Variants in MAP4 observed in about 807,000 individuals in gnomAD.
MAP4 encodes the protein microtubule-associated protein 4.
A neutral mutation model predicts 170.2 loss-of-function variants in MAP4; 76 were observed. The ratio of observed to expected loss-of-function variants is 0.45; its 90% CI spans 0.37 to 0.54. MAP4 has a LOEUF of 0.54. Among genes scored for constraint, MAP4 ranks in the 20% least tolerant of loss-of-function variants. The probability of loss-of-function intolerance (pLI) is 0.00; values close to 1 mark genes in which losing one functional copy is unlikely to be tolerated. For synonymous variants in MAP4, 909 were observed against 994.5 expected (o/e 0.91, Z 1.62); for missense variants, 2,506 against 2,748.0 (o/e 0.91, Z 1.97).
chr3:47,968,779 G>A (rs2100076646), intron 3 of MAP4, among the ~76,000 whole-genome samples: 2 of 151,904 alleles, frequency 1.3e-5, no homozygotes, highest in Non-Finnish European at 1.5e-5. Flanking sequence ...AGAGAAAATA[G>A]AGAAAACTCA....
chr3:48,034,200 C>G (rs889587305), intron 1 of MAP4, among the ~76,000 whole-genome samples: 2 of 152,158 alleles, frequency 1.3e-5, no homozygotes, highest in African/African-American at 4.8e-5. Context: ...ATCTGGCATG[C>G]CTTTGTCTCA....
chr3:47,974,930 T>G lies in MAP4; in HGVS notation c.292+2935A>C, dbSNP rs2100081102. Reference sequence around the variant, plus strand: ...ACATAGGTAGCCTGTAAGATTAACCTTCCCTAAAAGCAAGCTCAGAGAAGG... The same window carrying G: ...ACATAGGTAGCCTGTAAGATTAACCGTCCCTAAAAGCAAGCTCAGAGAAGG... On this transcript the variant is annotated intron_variant, in intron 3 of 20. Transcript: ENST00000683076. 4 of 985,948 alleles carry G rather than the reference T, an allele frequency of 4.1e-6. No homozygotes were observed. In the South Asian group the frequency reaches 1.9e-4, roughly 46 times the overall value. The allele number at this position is 985,948 out of a possible 1,614,324, so 61.1% of individuals were successfully genotyped here. A position where few individuals can be genotyped will look rare whatever the true frequency, so the allele number is the denominator to read the frequency against.
chr3:48,038,099 T>C (rs1423708889), intron 1 of MAP4, among the ~76,000 whole-genome samples: 3 of 146,486 alleles, frequency 2.0e-5, no homozygotes, highest in Admixed American at 7.1e-5. Flanking sequence ...ACCCAGCAGG[T>C]GGAGTTTGCA....
intron 2 of MAP4, chr3:47,987,525 A>C (rs1333949920): frequency 1.1e-5 from 9 of 805,888 alleles, no homozygotes; most frequent in Admixed American, 5.8e-5. Flanking sequence ...AACTCTAGCA[A>C]AAGCTTTATA....
intron 3 of MAP4, among the ~76,000 whole-genome samples, chr3:47,939,454 T>C (rs1171509936): frequency 6.6e-6 from 1 of 152,202 alleles, no homozygotes; most frequent in African/African-American, 2.4e-5. Flanking sequence ...AATAAATAAG[T>C]TGCTATCAAA....
At chr3:48,056,987 G>T (rs2100132370) in intron 1 of MAP4, among the ~76,000 whole-genome samples, 1 of 129,474 alleles carries the variant, frequency 7.7e-6, no homozygotes, top group African/African-American at 2.9e-5. Flanking sequence ...GGGAGGTGGG[G>T]GGGGTCAGCC....
intron 1 of MAP4, among the ~76,000 whole-genome samples, chr3:48,055,213 TCTCCGTCTCC>T (rs1416264863): frequency 1.2e-4 from 17 of 141,420 alleles, no homozygotes; most frequent in African/African-American, 4.7e-4. Flanking sequence ...TCCGTCTCCG[TCTCCGTCTCC>T]GTCTCCGTCT....
chr3:47,989,306 T>A (rs540407334), intron 2 of MAP4, among the ~76,000 whole-genome samples: 1 of 152,346 alleles, frequency 6.6e-6, no homozygotes, highest in Non-Finnish European at 1.5e-5. Context: ...AAGATCTGGG[T>A]TCAGGTTGTG....
intron 2 of MAP4, chr3:47,987,365 G>A: frequency 6.6e-7 from 1 of 1,524,726 alleles, no homozygotes; most frequent in Non-Finnish European, 8.8e-7. Context: ...GGAAAGTTCA[G>A]GGAAGAAAAG....
intron 3 of MAP4, among the ~76,000 whole-genome samples, chr3:47,949,777 G>A (rs1309160130): frequency 6.6e-6 from 1 of 152,160 alleles, no homozygotes; most frequent in East Asian, 1.9e-4. Context: ...AATACTACAG[G>A]AGGAAGAGGA....
intron 3 of MAP4, among the ~76,000 whole-genome samples, chr3:47,931,370 T>G (rs377688706): frequency 6.6e-6 from 1 of 152,176 alleles, no homozygotes; most frequent in Non-Finnish European, 1.5e-5. Flanking sequence ...AAGGCCCTAT[T>G]TTTTAAAAAA....
rs374208589 is a variant in MAP4 at position 47,863,937 on chromosome 3, T to TGTGGGGGGGGGG, written c.6501+3308_6501+3309insCCCCCCCCCCAC. On this transcript the variant is annotated intron_variant, in intron 17 of 20. Coordinates refer to ENST00000683076, the MANE Select transcript of MAP4 (RefSeq NM_001385682.1). ...GTGGGTGTGGGTGTGTGTGTGTGTG[T>TGTGGGGGGGGGG]GGGGAGTGGTGGGGGGTGTAATGCT... 1.3e-4 allele frequency among the ~76,000 whole-genome samples: 18 copies of TGTGGGGGGGGGG among 138,438 alleles called. No individual in the cohort carries two copies. The East Asian group carries it at 2.3e-3, about 18-fold the overall frequency. 90.8% of individuals were successfully genotyped at this position (138,438 alleles called of 152,430 possible).
intron 1 of MAP4, among the ~76,000 whole-genome samples, chr3:48,084,792 G>A (rs2100148269): frequency 7.8e-6 from 1 of 127,948 alleles, no homozygotes; most frequent in Non-Finnish European, 1.6e-5. Flanking sequence ...AATTATCTGG[G>A]GACCGACTAA....
chr3:48,019,190 T>A (rs1207035913), upstream of MAP4, among the ~76,000 whole-genome samples: 1 of 151,852 alleles, frequency 6.6e-6, no homozygotes, highest in African/African-American at 2.4e-5. Context: ...AAAATGTTTT[T>A]AATTAGCTGG....
intron 11 of MAP4, 48 bp downstream of exon 11, chr3:47,877,369 C>T (rs762894129): frequency 1.6e-5 from 22 of 1,385,558 alleles, no homozygotes; most frequent in African/African-American, 5.7e-5. Context: ...GAAGATACTC[C>T]GTTTAAAAAT....
intron 2 of MAP4, among the ~76,000 whole-genome samples, chr3:47,996,880 G>C (rs1279777359): frequency 6.6e-6 from 1 of 151,966 alleles, no homozygotes; most frequent in Non-Finnish European, 1.5e-5. Flanking sequence ...GGAAAACATA[G>C]GTGAACAGAT....
At chr3:47,869,821 TA>T (rs1200336257) in intron 15 of MAP4, among the ~76,000 whole-genome samples, 8 of 152,100 alleles carry the variant, frequency 5.3e-5, no homozygotes, top group African/African-American at 1.9e-4. Flanking sequence ...AGAACTCCTG[TA>T]ACTTTTGCAC....
chr3:48,058,822 C>A (rs1370242812), intron 1 of MAP4, among the ~76,000 whole-genome samples: 2 of 152,122 alleles, frequency 1.3e-5, no homozygotes, highest in African/African-American at 4.8e-5. Flanking sequence ...CTCTGTCGCC[C>A]AGGCTGGAGT....
chr3:48,024,648 T>C (rs1163641090), intron 1 of MAP4, among the ~76,000 whole-genome samples: 1 of 152,178 alleles, frequency 6.6e-6, no homozygotes, highest in Non-Finnish European at 1.5e-5. Context: ...ACTCACACTA[T>C]GACGTGAGCA....
Sources: gnomAD v4.1 joint callset for allele counts (sites outside exome capture counted in the v4.1 genomes callset) on GRCh38, gnomAD v4.1.1 for gene constraint, MANE v1.5 for transcripts, NCBI Gene and HGNC (gene_info 2026-07-23, HGNC 2026-07-21) for gene names.